Variants in TSR1 observed in about 807,000 individuals in gnomAD.
The protein encoded by TSR1 is pre-rRNA-processing protein TSR1 homolog.
Under a neutral mutation model 90.9 loss-of-function variants are expected in TSR1, and 81 were observed. That is an observed-to-expected ratio of 0.89 (90% CI 0.74 to 1.07). TSR1 has a LOEUF of 1.07. Ranked by LOEUF, TSR1 falls within the 50% of genes least tolerant of loss-of-function variation. TSR1 has a pLI of 0.00. For synonymous variants in TSR1, 362 were observed against 348.8 expected (o/e 1.04, Z -0.42); for missense variants, 989 against 987.3 (o/e 1.00, Z -0.02).
In TSR1 at chr17:2,335,345, C is replaced by CAG. The variant is rs2064047736; in HGVS notation, c.469_470dup (p.Phe158CysfsTer7). 1 of 1,613,152 alleles carries CAG rather than the reference C, an allele frequency of 6.2e-7. No homozygotes were observed. Among genetic ancestry groups the CAG allele is most frequent in the Non-Finnish European group, 8.5e-7 (1 of 1,179,974 alleles). ...AGCCTTCTAGTGGATCAAGGAGGAA[C>CAG]AGGATGGTATCAGCTACTTTAGCCA... On this transcript the variant is annotated frameshift_variant, in exon 4 of 15. Coordinates refer to ENST00000301364, the MANE Select transcript of TSR1 (RefSeq NM_018128.5). LOFTEE classifies it high-confidence loss of function.
rs2281726 is a variant in TSR1 at position 2,333,110 on chromosome 17, T to C, written c.1156A>G (p.Ser386Gly). The C allele has an allele frequency of 0.12, 198,800 of 1,612,168 alleles. 17,160 individuals carry two copies. The highest frequency in any genetic ancestry group is 0.54 in the East Asian group (24,247 of 44,844). The change falls in exon 7 of 15, where the codon AGT (serine) becomes GGT (glycine). Residue 386 changes from serine (S) to glycine (G), a missense_variant. Ser to Gly is a moderately conservative substitution (Grantham distance 56, BLOSUM62 0). Coordinates refer to ENST00000301364, the MANE Select transcript of TSR1 (RefSeq NM_018128.5). ...LSEAKDFLKESSKVVKKVPKG... is the reference protein window; with the variant it reads ...LSEAKDFLKEGSKVVKKVPKG... ...GGGACCTTCTTTACCACCTTAGAAC[T>C]TTCCTTCAAGAAATCTGTAAAAGCC...
In TSR1 at chr17:2,324,754, A is replaced by T. The variant is rs1483508156; in HGVS notation, c.2096T>A (p.Leu699Gln). Residue 699 changes from leucine (L) to glutamine (Q), a missense_variant, in exon 13 of 15, where the codon CTG becomes CAG. By Grantham distance (113) the Leu-to-Gln change is moderately radical. Transcript: ENST00000301364. The part of the protein sequence containing the change: ...PDRMVIKRVV[L>Q]SGHPFKIFTK... The stretch of plus-strand genomic sequence containing the variant: ...AAAAATTTTGAAAGGATGACCACTC[A>T]GAACAACTCTCTTGATGACCATTCT... The T allele has an allele frequency of 1.2e-6, 2 of 1,614,130 alleles. No homozygotes were observed. Among genetic ancestry groups the T allele is most frequent in the African/African-American group, 1.3e-5 (1 of 74,964 alleles).
At chr17:2,335,015 C>T (rs2064041744) in intron 4 of TSR1, 119 bp from the exon 5 acceptor site, 3 of 1,167,540 alleles carry the variant, frequency 2.6e-6, no homozygotes, top group Admixed American at 2.6e-5. Context: ...GGAAGCCCAA[C>T]ACTGAACTAC....
chr17:2,333,045 A>AT lies in TSR1; in HGVS notation c.1220dup (p.Asp407GlufsTer12). 1 of 1,614,122 alleles carries AT rather than the reference A, an allele frequency of 6.2e-7. No homozygotes were observed. Among genetic ancestry groups the AT allele is most frequent in the East Asian group, 2.2e-5 (1 of 44,878 alleles). On this transcript the variant is annotated frameshift_variant, in exon 7 of 15. Transcript: ENST00000301364. LOFTEE classifies it high-confidence loss of function. ...CTTCCCCACCACTTTGGCTGCCACC[A>AT]TCCAAAATCCATTCAGCTTGGTAAC...
intron 11 of TSR1, 133 bp downstream of exon 11, chr17:2,329,210 T>C (rs1213961049): frequency 1.5e-6 from 2 of 1,350,220 alleles, no homozygotes; most frequent in African/African-American, 2.9e-5. Context: ...CATTGGCTCT[T>C]AAGCCAGAGT....
At position 2,333,615 on chromosome 17, in the gene TSR1, T is replaced by C. The variant is rs2151441694; in HGVS notation, c.1083A>G (p.Pro361=). The stretch of plus-strand genomic sequence containing the variant: ...AGGTTTGCTCTCCCTCCATTGGATC[T>C]GGGATAACCTCTGCTTGCAAGGATT... ...RQESLQAEVI[P]DPMEGEQTWP... The change falls in exon 6 of 15, where the codon CCA becomes CCG. Residue 361 remains proline, a synonymous_variant. Transcript: ENST00000301364. The C allele has an allele frequency of 3.1e-6, 5 of 1,614,160 alleles. No homozygotes were observed. The highest frequency in any genetic ancestry group is 2.2e-5 in the East Asian group (1 of 44,886).
intron 1 of TSR1, 59 bp downstream of exon 1, chr17:2,336,272 G>T: frequency 1.2e-6 from 2 of 1,608,934 alleles, no homozygotes; most frequent in South Asian, 2.2e-5. Flanking sequence ...GTCTGGGCAT[G>T]AGGAAAAAGA....
Position 2,323,538 on chromosome 17 carries a change from A to C in TSR1, c.*658T>G. 1 of 1,212,054 alleles carries C rather than the reference A, an allele frequency of 8.3e-7. No homozygotes were observed. 75.1% of individuals were successfully genotyped at this position (1,212,054 alleles called of 1,614,324 possible). On this transcript the variant is annotated 3_prime_UTR_variant, in exon 15 of 15. Transcript: ENST00000301364. ...TCAGAATTAAAGAAAAGCTTTGGGA[A>C]GCGTGTGTACACAGTGATAAGAAAA...
At chr17:2,330,735 C>T in intron 9 of TSR1, 110 bp from the exon 10 acceptor site, 2 of 1,224,484 alleles carry the variant, frequency 1.6e-6, no homozygotes, top group South Asian at 1.4e-5. Context: ...TTAAAGCCAA[C>T]CCTCATCCTT....
chr17:2,323,358 CAAGAA>C lies in TSR1; in HGVS notation c.*833_*837del. 6.2e-7 allele frequency: 1 copy of C among 1,613,610 alleles called. No homozygotes were observed. The highest frequency in any genetic ancestry group is 8.5e-7 in the Non-Finnish European group (1 of 1,179,656). On this transcript the variant is annotated 3_prime_UTR_variant, in exon 15 of 15. Transcript: ENST00000301364. ...GGATGAAATTAAGGTGAGGCTCCAGCAAGAAAAGAAATAGCAAAGCATGGTGTAAC... is the reference window on the plus strand; with the variant it reads ...GGATGAAATTAAGGTGAGGCTCCAGCAAGAAATAGCAAAGCATGGTGTAAC...
chr17:2,330,659 T>C, intron 9 of TSR1, 34 bp from the exon 10 acceptor site: 2 of 1,600,422 alleles, frequency 1.2e-6, no homozygotes. Context: ...ATCATGGAGT[T>C]ACCTTTCAAA....
chr17:2,333,736 G>C lies in TSR1; in HGVS notation c.982-20C>G. 6.2e-7 allele frequency: 1 copy of C among 1,613,600 alleles called. No homozygotes were observed. Among genetic ancestry groups the C allele is most frequent in the Non-Finnish European group, 8.5e-7 (1 of 1,179,728 alleles). On this transcript the variant is annotated intron_variant, in intron 5 of 14. Coordinates refer to ENST00000301364, the MANE Select transcript of TSR1 (RefSeq NM_018128.5). Reference sequence around the variant, plus strand: ...ACAAATCTGAAAACCAAAAGCAGGTGATAGTCAACCATGAACCAAAAATCT... The same window carrying C: ...ACAAATCTGAAAACCAAAAGCAGGTCATAGTCAACCATGAACCAAAAATCT...
At chr17:2,335,820 C>A in intron 2 of TSR1, 90 bp from the exon 3 acceptor site, 2 of 1,429,886 alleles carry the variant, frequency 1.4e-6, no homozygotes, top group Non-Finnish European at 1.9e-6. Context: ...CTCCCCCTAC[C>A]CAAAACCAGC....
At position 2,332,981 on chromosome 17, in the gene TSR1, A is replaced by G; in HGVS notation, c.1285T>C (p.Phe429Leu). Reference sequence around the variant, plus strand: ...CTTACCTGAGATTCCTCCTCCATAAAATCCTCATGTTCCATATCATCATAT... The same window carrying G: ...CTTACCTGAGATTCCTCCTCCATAAGATCCTCATGTTCCATATCATCATAT... Reference protein sequence around the residue: ...YEYDDMEHEDFMEEESQDESS... With the variant: ...YEYDDMEHEDLMEEESQDESS... The change falls in exon 7 of 15, where the codon TTT becomes CTT. Residue 429 changes from phenylalanine (F) to leucine (L), a missense_variant. Coordinates refer to ENST00000301364, the MANE Select transcript of TSR1 (RefSeq NM_018128.5). 6.2e-7 allele frequency: 1 copy of G among 1,613,930 alleles called. No individual in the cohort carries two copies. The highest frequency in any genetic ancestry group is 8.5e-7 in the Non-Finnish European group (1 of 1,179,924).
chr17:2,332,610 G>A (rs548097306), intron 7 of TSR1, among the ~76,000 whole-genome samples: 30 of 152,288 alleles, frequency 2.0e-4, no homozygotes, highest in Non-Finnish European at 3.4e-4. Flanking sequence ...GCCAAGGCAG[G>A]CGGATCATGA....
intron 8 of TSR1, among the ~76,000 whole-genome samples, 177 bp downstream of exon 8, chr17:2,331,992 T>G (rs2064007162): frequency 1.3e-5 from 2 of 152,254 alleles, no homozygotes; most frequent in Admixed American, 1.3e-4. Context: ...GTCTAGAACT[T>G]AATTACATAT....
chr17:2,330,169 T>C (rs902452405), intron 10 of TSR1: 4 of 452,188 alleles, frequency 8.8e-6, no homozygotes, highest in Non-Finnish European at 1.3e-5. Context: ...TCCACCCACC[T>C]TGGCCTCCCA....
At chr17:2,332,556 G>A (rs1440649972) in intron 7 of TSR1, among the ~76,000 whole-genome samples, 197 bp from the exon 8 acceptor site, 2 of 152,170 alleles carry the variant, frequency 1.3e-5, no homozygotes, top group African/African-American at 4.8e-5. Context: ...ACCATACACG[G>A]CCGGGTGCGG....
intron 11 of TSR1, among the ~76,000 whole-genome samples, chr17:2,325,652 AC>A (rs2075572326): frequency 6.6e-6 from 1 of 150,832 alleles, no homozygotes; most frequent in African/African-American, 2.4e-5. Flanking sequence ...CGTTCCTGTC[AC>A]CCAGGCTGGA....
Sources: gnomAD v4.1 joint callset for allele counts (sites outside exome capture counted in the v4.1 genomes callset) on GRCh38, gnomAD v4.1.1 for gene constraint, MANE v1.5 for transcripts, NCBI Gene and HGNC (gene_info 2026-07-23, HGNC 2026-07-21) for gene names.